PDLIM5: variants seen among roughly 807,000 people sequenced by gnomAD.
PDLIM5 encodes the protein PDZ and LIM domain protein 5.
In PDLIM5, 34 loss-of-function variants were observed where a neutral mutation model predicts 64.2. The observed-to-expected ratio is 0.53, with a 90% CI of 0.40 to 0.71. PDLIM5 has a LOEUF of 0.71. PDLIM5 is among the 30% of genes least tolerant of loss of function. The pLI, the probability that PDLIM5 is intolerant of heterozygous loss-of-function variation, is 0.00. For synonymous variants in PDLIM5, 253 were observed against 269.1 expected, an observed-to-expected ratio of 0.94 and a Z score of 0.59; for missense variants, 683 against 733.6, an observed-to-expected ratio of 0.93 and a Z score of 0.80.
At chr4:94,612,131 T>C (rs1738416132) in intron 7 of PDLIM5, among the ~76,000 whole-genome samples, 1 of 152,136 alleles carries the variant, frequency 6.6e-6, no homozygotes, top group Non-Finnish European at 1.5e-5. Flanking sequence ...GGCAGGAGAA[T>C]CACTTGAACC....
chr4:94,549,230 T>G (rs1392335090), intron 3 of PDLIM5, among the ~76,000 whole-genome samples: 4 of 152,188 alleles, frequency 2.6e-5, no homozygotes, highest in African/African-American at 9.7e-5. Flanking sequence ...ATTCTTAATA[T>G]GTGAGGGGGT....
intron 3 of PDLIM5, among the ~76,000 whole-genome samples, chr4:94,544,424 G>A (rs1732125759): frequency 6.6e-6 from 1 of 152,080 alleles, no homozygotes; most frequent in Non-Finnish European, 1.5e-5. Context: ...TAGATTTATT[G>A]AAGCAAAAAT....
At chr4:94,648,976 T>C (rs952579857) in intron 9 of PDLIM5, among the ~76,000 whole-genome samples, 2 of 151,878 alleles carry the variant, frequency 1.3e-5, no homozygotes, top group Admixed American at 6.6e-5. Flanking sequence ...TTTTTGATTT[T>C]GGTTTTGGTT....
At position 94,553,120 on chromosome 4, in the gene PDLIM5, T is replaced by TTTA. The variant is rs148574688; in HGVS notation, c.249-20213_249-20211dup. ...ATCTGCTAACTTTTAAATTATCAGT[T>TTTA]TTATTATTATTATTATTATTTTGAG... On this transcript the variant is annotated intron_variant, in intron 3 of 12. Coordinates refer to ENST00000317968, the MANE Select transcript of PDLIM5 (RefSeq NM_006457.5). 5.4e-4 allele frequency among the ~76,000 whole-genome samples: 82 copies of TTTA among 151,888 alleles called. 1 individual carries two copies. The highest frequency in any genetic ancestry group is 4.6e-3 in the South Asian group (22 of 4,804).
At chr4:94,548,276 A>G (rs1342104254) in intron 3 of PDLIM5, among the ~76,000 whole-genome samples, 1 of 152,052 alleles carries the variant, frequency 6.6e-6, no homozygotes, top group Non-Finnish European at 1.5e-5. Flanking sequence ...CATACCTACC[A>G]CTCAAATGGA....
chr4:94,585,050 C>CAT (rs765377855), intron 5 of PDLIM5: 4 of 977,440 alleles, frequency 4.1e-6, no homozygotes, highest in Non-Finnish European at 6.3e-6. Context: ...TTTATATTAA[C>CAT]ATTATAAGTG....
intron 3 of PDLIM5, among the ~76,000 whole-genome samples, chr4:94,571,691 T>C (rs1444644210): frequency 6.6e-6 from 1 of 152,206 alleles, no homozygotes; most frequent in Non-Finnish European, 1.5e-5. Context: ...TTAAAAATTA[T>C]TGTTTTTATG....
At chr4:94,606,782 A>T (rs1737962017) in intron 7 of PDLIM5, among the ~76,000 whole-genome samples, 1 of 152,230 alleles carries the variant, frequency 6.6e-6, no homozygotes, top group Non-Finnish European at 1.5e-5. Context: ...GGTCTGTCAC[A>T]GTTAGTCAGT....
At chr4:94,523,217 A>G (rs1293315519) in intron 2 of PDLIM5, among the ~76,000 whole-genome samples, 1 of 152,228 alleles carries the variant, frequency 6.6e-6, no homozygotes, top group Non-Finnish European at 1.5e-5. Context: ...AAAGAATTCA[A>G]TCCCCAAACC....
intron 3 of PDLIM5, among the ~76,000 whole-genome samples, chr4:94,534,823 G>A (rs1359474389): frequency 1.3e-5 from 2 of 152,180 alleles, no homozygotes; most frequent in South Asian, 2.1e-4. Context: ...GAGAAACAGC[G>A]AGGGAAGTCA....
intron 3 of PDLIM5, among the ~76,000 whole-genome samples, chr4:94,560,140 T>G (rs979884486): frequency 6.6e-6 from 1 of 152,156 alleles, no homozygotes. Context: ...GTGAGCCTAG[T>G]TGTTGTCCTT....
At chr4:94,531,526 G>A (rs1730867482) in intron 3 of PDLIM5, among the ~76,000 whole-genome samples, 1 of 152,130 alleles carries the variant, frequency 6.6e-6, no homozygotes, top group Admixed American at 6.5e-5. Context: ...TGAGCTTAAA[G>A]TAGTCACAAA....
At chr4:94,640,493 A>T (rs1441183549) in intron 9 of PDLIM5, 43 bp downstream of exon 9, 6 of 1,113,808 alleles carry the variant, frequency 5.4e-6, no homozygotes, top group East Asian at 2.6e-5. Flanking sequence ...CTTAATATCA[A>T]TGTTGGGTTT....
intron 3 of PDLIM5, among the ~76,000 whole-genome samples, chr4:94,542,953 G>A (rs1731956078): frequency 1.3e-5 from 2 of 152,312 alleles, no homozygotes; most frequent in South Asian, 2.1e-4. Flanking sequence ...AAGGAGGAAA[G>A]ACATATGTGA....
Position 94,498,904 on chromosome 4 carries a change from AT to A in PDLIM5, c.97-24816del, listed in dbSNP as rs566789058. On this transcript the variant is annotated intron_variant, in intron 2 of 12. Coordinates refer to ENST00000317968, the MANE Select transcript of PDLIM5 (RefSeq NM_006457.5). The stretch of plus-strand genomic sequence containing the variant: ...GACTTCATAATTATAACTATCTGAT[AT>A]TTTATTCTCATTTAGCAGATTGCTC... Among the ~76,000 whole-genome samples the A allele has an allele frequency of 3.6e-3, 554 of 152,322 alleles. 1 individual carries two copies. The highest frequency in any genetic ancestry group is 6.2e-3 in the Non-Finnish European group (422 of 68,016).
intron 2 of PDLIM5, among the ~76,000 whole-genome samples, chr4:94,486,612 G>C (rs568506037): frequency 6.6e-6 from 1 of 152,288 alleles, no homozygotes; most frequent in East Asian, 1.9e-4. Context: ...CTATTTCCCT[G>C]AGTCAAGTGT....
At chr4:94,597,762 T>C (rs1438520045) in intron 7 of PDLIM5, among the ~76,000 whole-genome samples, 1 of 152,208 alleles carries the variant, frequency 6.6e-6, no homozygotes, top group South Asian at 2.1e-4. Context: ...AAGGAAAATA[T>C]AGTACTGATT....
At position 94,667,808 on chromosome 4, in the gene PDLIM5, A is replaced by G. The variant is rs1328372052; in HGVS notation, c.*3741A>G. 1 of 152,200 alleles carries G rather than the reference A, an allele frequency of 6.6e-6. No homozygotes were observed. The highest frequency in any genetic ancestry group is 2.1e-4 in the South Asian group (1 of 4,826). 9.4% of individuals were successfully genotyped at this position (152,200 alleles called of 1,614,324 possible). On this transcript the variant is annotated 3_prime_UTR_variant, in exon 13 of 13. Transcript: ENST00000317968. ...CAACAAAAATGTACCATTTTCAAGCAGTACTACATTAGGAGCCCTTTTATA... is the reference window on the plus strand; with the variant it reads ...CAACAAAAATGTACCATTTTCAAGCGGTACTACATTAGGAGCCCTTTTATA...
intron 8 of PDLIM5, among the ~76,000 whole-genome samples, chr4:94,620,350 A>G (rs1420350582): frequency 1.3e-5 from 2 of 152,150 alleles, no homozygotes; most frequent in Non-Finnish European, 1.5e-5. Context: ...CCTGGGCAGC[A>G]TGGCAAAACC....
Sources: allele counts gnomAD v4.1 joint callset (sites outside exome capture counted in the v4.1 genomes callset), GRCh38; gene constraint gnomAD v4.1.1; transcripts MANE v1.5; gene names NCBI Gene and HGNC (gene_info 2026-07-23, HGNC 2026-07-21).